Variants in SMU1 observed in about 807,000 individuals in gnomAD.
SMU1 encodes SMU1 DNA replication regulator and spliceosomal factor, also known as WD40 repeat-containing protein SMU1.
SMU1 carries 2 observed loss-of-function variants against 62.0 expected under a neutral mutation model. The ratio of observed to expected loss-of-function variants is 0.03; its 90% CI spans 0.01 to 0.10. The LOEUF (loss-of-function observed/expected upper bound fraction) is 0.10, where lower values mean the gene tolerates loss of function less well. Ranked by LOEUF, SMU1 falls within the 10% of genes least tolerant of loss-of-function variation. SMU1 has a pLI of 1.00. For synonymous variants in SMU1, 188 were observed against 212.4 expected (o/e 0.89, Z 1.00); for missense variants, 227 against 622.1 (o/e 0.36, Z 6.76).
At chr9:33,059,428 T>C (rs1237292060) in intron 6 of SMU1, among the ~76,000 whole-genome samples, 1 of 151,140 alleles carries the variant, frequency 6.6e-6, no homozygotes. Context: ...GTTGTACATA[T>C]AACCCCTTGA....
At chr9:33,070,578 C>T (rs1839475140) in intron 3 of SMU1, among the ~76,000 whole-genome samples, 2 of 152,182 alleles carry the variant, frequency 1.3e-5, no homozygotes, top group African/African-American at 4.8e-5. Context: ...TATCTGCACT[C>T]CCATGTTTAT....
intron 1 of SMU1, among the ~76,000 whole-genome samples, chr9:33,075,812 T>C (rs1476355081): frequency 6.6e-6 from 1 of 152,180 alleles, no homozygotes; most frequent in Admixed American, 6.5e-5. Flanking sequence ...TTAATTATTA[T>C]TAAGTGTTGG....
chr9:33,074,693 A>G (rs542198473), intron 1 of SMU1, among the ~76,000 whole-genome samples: 1 of 152,188 alleles, frequency 6.6e-6, no homozygotes, highest in Admixed American at 6.5e-5. Flanking sequence ...GATAATAGAG[A>G]TAATAAGTGG....
intron 10 of SMU1, among the ~76,000 whole-genome samples, chr9:33,051,708 G>C (rs1839251203): frequency 6.6e-6 from 1 of 152,140 alleles, no homozygotes; most frequent in South Asian, 2.1e-4. Flanking sequence ...TAGGGTTATG[G>C]GGAAGACGTG....
At position 33,071,824 on chromosome 9, in the gene SMU1, G is replaced by T. The variant is rs1163852787; in HGVS notation, c.306C>A (p.Pro102=). 6.2e-7 allele frequency: 1 copy of T among 1,607,794 alleles called. No homozygotes were observed. Among genetic ancestry groups the T allele is most frequent in the South Asian group, 1.1e-5 (1 of 89,308 alleles). The part of the protein sequence containing the change: ...AARSLLRQTD[P]MIMLKQTQPE... ...GCTGTGTTTGTTTTAACATGATCATGGGATCAGTCTGTCTCAAAAGTGACC... is the reference window on the plus strand; with the variant it reads ...GCTGTGTTTGTTTTAACATGATCATTGGATCAGTCTGTCTCAAAAGTGACC... The change falls in exon 3 of 12, where the codon CCC becomes CCA. Residue 102 remains proline (P), a synonymous_variant. Transcript: ENST00000397149.
chr9:33,060,255 G>A (rs1032068072), intron 6 of SMU1, among the ~76,000 whole-genome samples: 1 of 152,194 alleles, frequency 6.6e-6, no homozygotes, highest in Non-Finnish European at 1.5e-5. Context: ...GTTCAACTAA[G>A]TGATCCTCCT....
At position 33,042,120 on chromosome 9, in the gene SMU1, T is replaced by C. The variant is rs922566786; in HGVS notation, c.*5173A>G. On this transcript the variant is annotated 3_prime_UTR_variant, in exon 12 of 12. Transcript: ENST00000397149. ...CTAAGAACACTAAAAGAAAGTCATA[T>C]TAGGTCGGTTGGTGCAAAAGTAATG... 2.0e-5 allele frequency: 3 copies of C among 151,464 alleles called. No homozygotes were observed. Among genetic ancestry groups the C allele is most frequent in the African/African-American group, 7.3e-5 (3 of 41,036 alleles). 9.4% of individuals were successfully genotyped at this position (151,464 alleles called of 1,614,324 possible).
At position 33,050,018 on chromosome 9, in the gene SMU1, C is replaced by T. The variant is rs567374858; in HGVS notation, c.1291-1760G>A. Among the ~76,000 whole-genome samples, 70 of 152,220 alleles carry T rather than the reference C, an allele frequency of 4.6e-4. 1 individual carries two copies. The highest frequency in any genetic ancestry group is 6.9e-4 in the Non-Finnish European group (47 of 68,016). On this transcript the variant is annotated intron_variant, in intron 10 of 11. Transcript: ENST00000397149. The stretch of plus-strand genomic sequence containing the variant: ...TGTAAAAACCAGATTTGATAAAGAA[C>T]TATTATCCAAAATATACAAAAAACT...
At chr9:33,053,944 T>C (rs1839277545) in intron 9 of SMU1, among the ~76,000 whole-genome samples, 1 of 152,342 alleles carries the variant, frequency 6.6e-6, no homozygotes, top group Admixed American at 6.5e-5. Flanking sequence ...TTGTCAACAC[T>C]GCTACTGTCA....
intron 1 of SMU1, among the ~76,000 whole-genome samples, chr9:33,074,699 A>C (rs1268254676): frequency 6.6e-6 from 1 of 152,084 alleles, no homozygotes; most frequent in Non-Finnish European, 1.5e-5. Context: ...AGAGATAATA[A>C]GTGGAAAAAT....
At chr9:33,070,420 G>A (rs970364710) in intron 3 of SMU1, among the ~76,000 whole-genome samples, 3 of 152,140 alleles carry the variant, frequency 2.0e-5, no homozygotes, top group African/African-American at 7.2e-5. Context: ...AGGAACCCTC[G>A]TACACTATTA....
Position 33,042,981 on chromosome 9 carries a change from G to T in SMU1, c.*4312C>A, listed in dbSNP as rs754877607. On this transcript the variant is annotated 3_prime_UTR_variant, in exon 12 of 12. Coordinates refer to ENST00000397149, the MANE Select transcript of SMU1 (RefSeq NM_018225.3). ...CTCCTAGGTAGCTGGGACTACAGGCGTGTGCCACCATGCCCGGCTAATTTT... is the reference window on the plus strand; with the variant it reads ...CTCCTAGGTAGCTGGGACTACAGGCTTGTGCCACCATGCCCGGCTAATTTT... 1.3e-5 allele frequency: 2 copies of T among 152,216 alleles called. No homozygotes were observed. Among genetic ancestry groups the T allele is most frequent in the African/African-American group, 4.8e-5 (2 of 41,378 alleles). 9.4% of individuals were successfully genotyped at this position (152,216 alleles called of 1,614,324 possible).
At position 33,042,671 on chromosome 9, in the gene SMU1, C is replaced by T. The variant is rs750660013; in HGVS notation, c.*4622G>A. The T allele has an allele frequency of 7.2e-5, 11 of 152,190 alleles. No individual in the cohort carries two copies. The highest frequency in any genetic ancestry group is 1.3e-4 in the Non-Finnish European group (9 of 68,048). The allele number at this position is 152,190 out of a possible 1,614,324, so 9.4% of individuals were successfully genotyped here. A position where few individuals can be genotyped will look rare whatever the true frequency, so the allele number is the denominator to read the frequency against. On this transcript the variant is annotated 3_prime_UTR_variant, in exon 12 of 12. Coordinates refer to ENST00000397149, the MANE Select transcript of SMU1 (RefSeq NM_018225.3). Reference sequence around the variant, plus strand: ...CACCCTCCAGGGATTCTGTATAACTCGGCTGGGTGTAGCCTAAGCATCAAA... The same window carrying T: ...CACCCTCCAGGGATTCTGTATAACTTGGCTGGGTGTAGCCTAAGCATCAAA...
At chr9:33,072,767 T>G (rs1839501142) in intron 2 of SMU1, among the ~76,000 whole-genome samples, 1 of 146,632 alleles carries the variant, frequency 6.8e-6, no homozygotes, top group Non-Finnish European at 1.5e-5. Context: ...AGATGGAGGT[T>G]GCAGTGAGCA....
chr9:33,073,878 C>A, intron 1 of SMU1, 72 bp from the exon 2 acceptor site: 1 of 1,343,256 alleles, frequency 7.4e-7, no homozygotes, highest in South Asian at 1.3e-5. Context: ...CTATCAAGCT[C>A]CTACTCAATC....
In SMU1 at chr9:33,045,486, A is replaced by T. The variant is rs542307124; in HGVS notation, c.*1807T>A. The T allele has an allele frequency of 6.6e-6, 1 of 152,274 alleles. No homozygotes were observed. The highest frequency in any genetic ancestry group is 1.5e-5 in the Non-Finnish European group (1 of 68,050). The allele number at this position is 152,274 out of a possible 1,614,324, so 9.4% of individuals were successfully genotyped here. The stretch of plus-strand genomic sequence containing the variant: ...TCTTAGTGCTGCCCAGAATTAATTC[A>T]GCAAACACTGAACATTACTACGTGC... On this transcript the variant is annotated 3_prime_UTR_variant, in exon 12 of 12. Transcript: ENST00000397149.
chr9:33,069,157 C>T (rs962957289), intron 3 of SMU1, among the ~76,000 whole-genome samples: 6 of 152,158 alleles, frequency 3.9e-5, no homozygotes, highest in Admixed American at 1.3e-4. Flanking sequence ...TGAGGTCAGC[C>T]AATCCACACT....
chr9:33,075,726 C>G (rs1192764729), intron 1 of SMU1, among the ~76,000 whole-genome samples: 3 of 152,116 alleles, frequency 2.0e-5, no homozygotes, highest in Non-Finnish European at 2.9e-5. Flanking sequence ...ATAAACCTCC[C>G]TTCCTCCTAT....
chr9:33,061,911 A>G (rs1839366189), intron 5 of SMU1, 138 bp downstream of exon 5: 1 of 903,626 alleles, frequency 1.1e-6, no homozygotes, highest in African/African-American at 1.7e-5. Context: ...GGACACCTGC[A>G]GCAACCTTGA....
Sources: gnomAD v4.1 joint callset for allele counts (sites outside exome capture counted in the v4.1 genomes callset) on GRCh38, gnomAD v4.1.1 for gene constraint, MANE v1.5 for transcripts, NCBI Gene and HGNC (gene_info 2026-07-23, HGNC 2026-07-21) for gene names.